The following AGPAT1 variants were observed in gnomAD, a reference collection of about 807,000 sequenced individuals.
AGPAT1 encodes 1-acyl-sn-glycerol-3-phosphate acyltransferase alpha.
A neutral mutation model predicts 31.2 loss-of-function variants in AGPAT1; 6 were observed. That is an observed-to-expected ratio of 0.19 (90% CI 0.11 to 0.38). The LOEUF (loss-of-function observed/expected upper bound fraction) is 0.38. AGPAT1 is among the 10% of genes least tolerant of loss of function. AGPAT1 has a pLI of 1.00. For synonymous variants in AGPAT1, 139 were observed against 154.0 expected, an observed-to-expected ratio of 0.90 and a Z score of 0.72; for missense variants, 187 against 377.8, an observed-to-expected ratio of 0.49 and a Z score of 4.19.
Position 32,170,756 on chromosome 6 carries a change from A to T in AGPAT1, c.335-156T>A, listed in dbSNP as rs1785020133. The T allele has an allele frequency of 9.5e-6, 12 of 1,258,186 alleles. No homozygotes were observed. Among genetic ancestry groups the T allele is most frequent in the Admixed American group, 1.7e-5 (1 of 57,836 alleles). 77.9% of individuals were successfully genotyped at this position (1,258,186 alleles called of 1,614,324 possible). On this transcript the variant is annotated intron_variant, in intron 3 of 6. Coordinates refer to ENST00000375107, the MANE Select transcript of AGPAT1 (RefSeq NM_006411.4). This position sits in a 1 kb window ranked among gnomAD's most constrained non-coding sequence, Gnocchi z 7.7. ...CCCCAAGTGAAGGAAAGGGTGACCA[A>T]AAGTATATGTAACCTGCTTATGAGG...
chr6:32,169,003 T>C lies in AGPAT1; in HGVS notation c.*273A>G. ...CTTGTGTAGGCTGAGTCACTGGAGA[T>C]GAGGGGGAGGCAACTGTCCCACAGA... On this transcript the variant is annotated 3_prime_UTR_variant, in exon 7 of 7. Transcript: ENST00000375107. This position sits in a 1 kb window ranked among gnomAD's most constrained non-coding sequence, Gnocchi z 5.9. The C allele has an allele frequency of 6.0e-6, 3 of 503,372 alleles. No homozygotes were observed. In the South Asian group the frequency reaches 9.2e-5, roughly 15 times the overall value. 31.2% of individuals were successfully genotyped at this position (503,372 alleles called of 1,614,324 possible). A position where few individuals can be genotyped will look rare whatever the true frequency, so the allele number is the denominator to read the frequency against.
In AGPAT1 at chr6:32,170,347, C is replaced by G; in HGVS notation, c.510+78G>C. ...GTTATAATGGGACCTTTGAGGCCCA[C>G]TGGCCCTGCATATCAGTTTATTTAC... On this transcript the variant is annotated intron_variant, in intron 4 of 6. Coordinates refer to ENST00000375107, the MANE Select transcript of AGPAT1 (RefSeq NM_006411.4). The surrounding 1 kb of genome is among the most constrained non-coding windows in gnomAD (Gnocchi z 7.7). 6.2e-7 allele frequency: 1 copy of G among 1,608,114 alleles called. No individual in the cohort carries two copies. The highest frequency in any genetic ancestry group is 8.5e-7 in the Non-Finnish European group (1 of 1,174,856).
rs118032030 is a variant in AGPAT1, at chr6:32,171,861, C to T, written c.-9-356G>A. The stretch of plus-strand genomic sequence containing the variant: ...TATAATGGTCTATACTTGTGCTGTC[C>T]GAGAAAGTAGCCACCACCTACATGT... On this transcript the variant is annotated intron_variant, in intron 1 of 6. Coordinates refer to ENST00000375107, the MANE Select transcript of AGPAT1 (RefSeq NM_006411.4). The surrounding 1 kb of genome is among the most constrained non-coding windows in gnomAD (Gnocchi z 6.9). 1,297 of 342,184 alleles carry T rather than the reference C, an allele frequency of 3.8e-3. 43 individuals carry two copies. The East Asian group carries it at 0.065, about 17-fold the overall frequency. 21.2% of individuals were successfully genotyped at this position (342,184 alleles called of 1,614,324 possible).
In AGPAT1 at chr6:32,169,968, G is replaced by A; in HGVS notation, c.677C>T (p.Ser226Leu). Reference sequence around the variant, plus strand: ...CCAGAACTGCTCAAAGCCCTCACCCGAGGTGAAGCGACGCTCCTTCTTGCA... The same window carrying A: ...CCAGAACTGCTCAAAGCCCTCACCCAAGGTGAAGCGACGCTCCTTCTTGCA... ...FYCKKERRFT[S>L]GQCQVRVLPP... The change falls in exon 6 of 7, where the codon TCG (serine) becomes TTG (leucine). Residue 226 changes from serine to leucine, a missense_variant and splice_region_variant. Coordinates refer to ENST00000375107, the MANE Select transcript of AGPAT1 (RefSeq NM_006411.4). This position sits in a 1 kb window ranked among gnomAD's most constrained non-coding sequence, Gnocchi z 5.9. The A allele has an allele frequency of 6.2e-7, 1 of 1,612,798 alleles. No individual in the cohort carries two copies. Among genetic ancestry groups the A allele is most frequent in the South Asian group, 1.1e-5 (1 of 91,058 alleles).
At position 32,174,309 on chromosome 6, in the gene AGPAT1, A is replaced by G. The variant is rs1785344621; in HGVS notation, c.-10+1505T>C. Among the ~76,000 whole-genome samples the G allele has an allele frequency of 6.6e-6, 1 of 152,240 alleles. No individual in the cohort carries two copies. The highest frequency in any genetic ancestry group is 1.5e-5 in the Non-Finnish European group (1 of 68,048). Reference sequence around the variant, plus strand: ...AAATTAGATAGTTATCCTCTTGAGTAGAAGTGACTACTAAAAGAAGTCACT... The same window carrying G: ...AAATTAGATAGTTATCCTCTTGAGTGGAAGTGACTACTAAAAGAAGTCACT... On this transcript the variant is annotated intron_variant, in intron 1 of 6. Transcript: ENST00000375107. This position sits in a 1 kb window ranked among gnomAD's most constrained non-coding sequence, Gnocchi z 4.5.
chr6:32,175,206 A>G lies in AGPAT1; in HGVS notation c.-10+608T>C, dbSNP rs1195022131. Among the ~76,000 whole-genome samples the G allele has an allele frequency of 1.3e-5, 2 of 152,226 alleles. No individual in the cohort carries two copies. The highest frequency in any genetic ancestry group is 2.9e-5 in the Non-Finnish European group (2 of 68,034). ...AAAACTGGATGTGAGACATGGACAC[A>G]AGAATGAAGAATGGGCAATTCTGAT... is the stretch of plus-strand genomic sequence containing the variant. On this transcript the variant is annotated intron_variant, in intron 1 of 6. Transcript: ENST00000375107. The surrounding 1 kb of genome is among the most constrained non-coding windows in gnomAD (Gnocchi z 4.5).
upstream of AGPAT1, chr6:32,177,276 G>C (rs532698141): frequency 2.5e-6 from 1 of 394,282 alleles, no homozygotes; most frequent in Non-Finnish European, 4.5e-6. Context: ...AGTGATTGTA[G>C]GAAAAGCCCA....
Position 32,171,452 on chromosome 6 carries a change from G to T in AGPAT1, c.45C>A (p.Phe15Leu). 6.2e-7 allele frequency: 1 copy of T among 1,611,700 alleles called. No homozygotes were observed. The highest frequency in any genetic ancestry group is 8.5e-7 in the Non-Finnish European group (1 of 1,179,502). ...TGGGCAGCAGGAAGAGCAGCAGCAGGAAGAGCAGCAGCAGCAGCATCCATG... is the reference window on the plus strand; with the variant it reads ...TGGGCAGCAGGAAGAGCAGCAGCAGTAAGAGCAGCAGCAGCAGCATCCATG... The part of the protein sequence containing the change: ...PGAWMLLLLL[F>L]LLLLFLLPTL... Residue 15 changes from phenylalanine to leucine, a missense_variant, in exon 2 of 7, where the codon TTC (phenylalanine) becomes TTA (leucine). Transcript: ENST00000375107. This position sits in a 1 kb window ranked among gnomAD's most constrained non-coding sequence, Gnocchi z 6.9.
Position 32,171,699 on chromosome 6 carries a change from G to C in AGPAT1, c.-9-194C>G. ...GGTGGTGGAGAAAGAGCTCAGGACT[G>C]CTCTCCCACCACTCTTCCCAAAGGC... On this transcript the variant is annotated intron_variant, in intron 1 of 6. Coordinates refer to ENST00000375107, the MANE Select transcript of AGPAT1 (RefSeq NM_006411.4). The surrounding 1 kb of genome is among the most constrained non-coding windows in gnomAD (Gnocchi z 6.9). 2 of 671,724 alleles carry C rather than the reference G, an allele frequency of 3.0e-6. No individual in the cohort carries two copies. The highest frequency in any genetic ancestry group is 2.7e-5 in the East Asian group (1 of 36,686). The allele number at this position is 671,724 out of a possible 1,614,324, so 41.6% of individuals were successfully genotyped here. A position where few individuals can be genotyped will look rare whatever the true frequency, so the allele number is the denominator to read the frequency against.
Position 32,169,261 on chromosome 6 carries a change from G to T in AGPAT1, c.*15C>A. 6.2e-7 allele frequency: 1 copy of T among 1,611,368 alleles called. No homozygotes were observed. The highest frequency in any genetic ancestry group is 8.5e-7 in the Non-Finnish European group (1 of 1,178,986). On this transcript the variant is annotated 3_prime_UTR_variant, in exon 7 of 7. Transcript: ENST00000375107. The surrounding 1 kb of genome is among the most constrained non-coding windows in gnomAD (Gnocchi z 5.9). Reference sequence around the variant, plus strand: ...GAAGATGGGGACAGATGGGAGGAGAGCTCAGAGCCAGGGTTCACCCACCGC... The same window carrying T: ...GAAGATGGGGACAGATGGGAGGAGATCTCAGAGCCAGGGTTCACCCACCGC...
Position 32,170,141 on chromosome 6 carries a change from AG to A in AGPAT1, c.606+23del. ...GAATGGTGGGGGTTGGCAGCTGAGT[AG>A]CAGAACGAAGAGCAGTAGTCACCTG... On this transcript the variant is annotated intron_variant, in intron 5 of 6. Transcript: ENST00000375107. This position sits in a 1 kb window ranked among gnomAD's most constrained non-coding sequence, Gnocchi z 7.7. 6.2e-7 allele frequency: 1 copy of A among 1,613,536 alleles called. No homozygotes were observed. Among genetic ancestry groups the A allele is most frequent in the African/African-American group, 1.3e-5 (1 of 75,022 alleles).
In AGPAT1 at chr6:32,169,507, G is replaced by A; in HGVS notation, c.680-59C>T. 1 of 1,583,396 alleles carries A rather than the reference G, an allele frequency of 6.3e-7. No individual in the cohort carries two copies. The highest frequency in any genetic ancestry group is 8.6e-7 in the Non-Finnish European group (1 of 1,159,736). On this transcript the variant is annotated intron_variant, in intron 6 of 6. Transcript: ENST00000375107. The surrounding 1 kb of genome is among the most constrained non-coding windows in gnomAD (Gnocchi z 5.9). ...ACCCAGGTCTTTGCCCACAGGTGGGGCCCAGCTTCCGAGTGATACTCTTCC... is the reference window on the plus strand; with the variant it reads ...ACCCAGGTCTTTGCCCACAGGTGGGACCCAGCTTCCGAGTGATACTCTTCC...
At chr6:32,177,048 C>G, upstream of AGPAT1, 1 of 398,616 alleles carries the variant, frequency 2.5e-6, no homozygotes, top group Non-Finnish European at 4.4e-6. Flanking sequence ...ATCTTCCTTC[C>G]TAAACCTCAA....
In AGPAT1 at chr6:32,170,263, G is replaced by C. The variant is rs1294178799; in HGVS notation, c.511-3C>G. 6.2e-7 allele frequency: 1 copy of C among 1,612,274 alleles called. No individual in the cohort carries two copies. Among genetic ancestry groups the C allele is most frequent in the Non-Finnish European group, 8.5e-7 (1 of 1,179,064 alleles). On this transcript the variant is annotated splice_region_variant and splice_polypyrimidine_tract_variant and intron_variant, in intron 4 of 6. Transcript: ENST00000375107. The surrounding 1 kb of genome is among the most constrained non-coding windows in gnomAD (Gnocchi z 7.7). ...TCAGGAAACACCCAGACCCTCACCT[G>C]GGGGAGAAAGAGGGTCAAAGAAGAC... is the stretch of plus-strand genomic sequence containing the variant.
Position 32,169,622 on chromosome 6 carries a change from C to T in AGPAT1, c.680-174G>A. 1.4e-6 allele frequency: 1 copy of T among 733,946 alleles called. No individual in the cohort carries two copies. The highest frequency in any genetic ancestry group is 2.2e-6 in the Non-Finnish European group (1 of 457,118). 45.5% of individuals were successfully genotyped at this position (733,946 alleles called of 1,614,324 possible). ...CTGAGGCCCTTCTCCTATACAAAGC[C>T]TTCTCCAATCCCCAGTTCAGACATC... On this transcript the variant is annotated intron_variant, in intron 6 of 6. Transcript: ENST00000375107. The surrounding 1 kb of genome is among the most constrained non-coding windows in gnomAD (Gnocchi z 5.9).
Position 32,175,767 on chromosome 6 carries a change from T to C in AGPAT1, c.-10+47A>G, listed in dbSNP as rs1785487345. The C allele has an allele frequency of 1.1e-6, 1 of 949,428 alleles. No homozygotes were observed. The highest frequency in any genetic ancestry group is 1.3e-6 in the Non-Finnish European group (1 of 797,004). 58.8% of individuals were successfully genotyped at this position (949,428 alleles called of 1,614,324 possible). A position where few individuals can be genotyped will look rare whatever the true frequency, so the allele number is the denominator to read the frequency against. On this transcript the variant is annotated intron_variant, in intron 1 of 6. Transcript: ENST00000375107. This position sits in a 1 kb window ranked among gnomAD's most constrained non-coding sequence, Gnocchi z 4.5. The stretch of plus-strand genomic sequence containing the variant: ...CTCCCCTTCCCCTCATCCTAGTCGC[T>C]TTCAGCACCCTCTTCCCTCCTCCTC...
upstream of AGPAT1, chr6:32,176,924 G>T: frequency 2.5e-6 from 1 of 398,030 alleles, no homozygotes; most frequent in South Asian, 1.3e-4. Context: ...TCCTTAATTT[G>T]GTAGCCATGT....
chr6:32,172,326 G>A lies in AGPAT1; in HGVS notation c.-9-821C>T, dbSNP rs1785176299. On this transcript the variant is annotated intron_variant, in intron 1 of 6. Coordinates refer to ENST00000375107, the MANE Select transcript of AGPAT1 (RefSeq NM_006411.4). The surrounding 1 kb of genome is among the most constrained non-coding windows in gnomAD (Gnocchi z 4.3). The stretch of plus-strand genomic sequence containing the variant: ...GACTCCATTTCCAAAAAAAAAAAAA[G>A]AAATTATAATCTTTTGGATGTTATC... Among the ~76,000 whole-genome samples the A allele has an allele frequency of 6.7e-6, 1 of 150,326 alleles. No individual in the cohort carries two copies. The highest frequency in any genetic ancestry group is 1.5e-5 in the Non-Finnish European group (1 of 67,440).
Position 32,171,485 on chromosome 6 carries a change from C to A in AGPAT1, c.12G>T (p.Trp4Cys). MDL[W>C]PGAWMLLLLL... The stretch of plus-strand genomic sequence containing the variant: ...GCAGCAGCAGCATCCATGCCCCTGG[C>A]CACAAATCCATTCTGGCCACCTGCA... Residue 4 changes from tryptophan to cysteine, a missense_variant, in exon 2 of 7, where the codon TGG becomes TGT. Trp to Cys is a radical substitution (Grantham distance 215, BLOSUM62 -2). Around this residue, in one of 3 missense-constraint regions of AGPAT1, gnomAD observed 45 missense variants for 60.9 expected, o/e 0.74. Transcript: ENST00000375107. The surrounding 1 kb of genome is among the most constrained non-coding windows in gnomAD (Gnocchi z 6.9). 6.3e-7 allele frequency: 1 copy of A among 1,593,812 alleles called. No individual in the cohort carries two copies.
Sources: gnomAD v4.1 joint callset for allele counts (sites outside exome capture counted in the v4.1 genomes callset) on GRCh38, gnomAD v4.1.1 for gene constraint, gnomAD v4.1.1 regional missense constraint, Gnocchi (gnomAD v3.1) non-coding constraint, MANE v1.5 for transcripts, NCBI Gene and HGNC (gene_info 2026-07-23, HGNC 2026-07-21) for gene names.